Variants in LIN7A observed in about 807,000 individuals in gnomAD.
LIN7A encodes the protein lin-7 cell polarity scaffold A, also known as protein lin-7 homolog A.
A neutral mutation model predicts 29.8 loss-of-function variants in LIN7A; 25 were observed. That is an observed-to-expected ratio of 0.84 (90% confidence interval 0.61 to 1.17). The LOEUF (loss-of-function observed/expected upper bound fraction) is 1.17, where lower values mean the gene tolerates loss of function less well. Ranked by LOEUF, LIN7A falls within the 50% of genes most tolerant of loss-of-function variation. The probability of loss-of-function intolerance (pLI) is 0.00; values close to 1 mark genes in which losing one functional copy is unlikely to be tolerated. For missense variants in LIN7A, 239 were observed against 287.0 expected, an observed-to-expected ratio of 0.83 and a Z score of 1.21; for synonymous variants, 118 against 107.5, an observed-to-expected ratio of 1.10 and a Z score of -0.60.
chr12:80,806,822 A>G (rs1333958095), intron 5 of LIN7A, among the ~76,000 whole-genome samples: 1 of 152,174 alleles, frequency 6.6e-6, no homozygotes, highest in South Asian at 2.1e-4. Context: ...TCACCATAAA[A>G]TCCATGAATG....
intron 4 of LIN7A, among the ~76,000 whole-genome samples, chr12:80,835,658 T>C (rs1030095437): frequency 2.0e-5 from 3 of 152,194 alleles, no homozygotes; most frequent in African/African-American, 7.2e-5. Context: ...TGCCAGACAC[T>C]CTTACATACT....
intron 4 of LIN7A, among the ~76,000 whole-genome samples, chr12:80,838,237 G>A (rs1326131400): frequency 6.6e-6 from 1 of 152,152 alleles, no homozygotes; most frequent in African/African-American, 2.4e-5. Flanking sequence ...ACAATCTCTT[G>A]TATGCTCAAA....
intron 5 of LIN7A, among the ~76,000 whole-genome samples, chr12:80,801,574 TTG>T (rs1174388363): frequency 6.6e-6 from 1 of 152,230 alleles, no homozygotes; most frequent in Non-Finnish European, 1.5e-5. Flanking sequence ...ACAAATAAAT[TTG>T]TGATGTATAA....
intron 1 of LIN7A, among the ~76,000 whole-genome samples, chr12:80,931,199 A>C (rs1281474627): frequency 6.6e-6 from 1 of 152,238 alleles, no homozygotes; most frequent in African/African-American, 2.4e-5. Context: ...CAAGAGCATT[A>C]ATTTCATAAC....
chr12:80,854,046 T>C (rs7305737), intron 2 of LIN7A, among the ~76,000 whole-genome samples: 51,993 of 152,018 alleles, frequency 0.34, 10,514 homozygotes, highest in African/African-American at 0.57. Context: ...ATGGTACAGC[T>C]ATTTGAGAAA....
intron 1 of LIN7A, 124 bp downstream of exon 1, chr12:80,937,517 G>T (rs1423652615): frequency 1.7e-6 from 1 of 589,656 alleles, no homozygotes; most frequent in Non-Finnish European, 2.7e-6. Context: ...CGCCTTCCTG[G>T]CTCGTCCTCG....
intron 1 of LIN7A, among the ~76,000 whole-genome samples, chr12:80,890,493 A>G (rs767377704): frequency 6.6e-6 from 1 of 152,164 alleles, no homozygotes; most frequent in Non-Finnish European, 1.5e-5. Context: ...TCGCAATCTA[A>G]TGAGAAAGAA....
At chr12:80,882,284 A>ATTTTTTTTTTTTTTT (rs1463134808) in intron 2 of LIN7A, among the ~76,000 whole-genome samples, 1 of 71,988 alleles carries the variant, frequency 1.4e-5, no homozygotes, top group Non-Finnish European at 5.2e-5. Context: ...TTTTTCTTTC[A>ATTTTTTTTTTTTTTT]TTCTTTTTTT....
At chr12:80,900,584 A>G (rs978744561) in intron 1 of LIN7A, among the ~76,000 whole-genome samples, 3 of 152,068 alleles carry the variant, frequency 2.0e-5, no homozygotes, top group Non-Finnish European at 2.9e-5. Flanking sequence ...CAATTTTCTT[A>G]GTATTGATTT....
At chr12:80,838,965 A>C (rs574082828) in intron 4 of LIN7A, among the ~76,000 whole-genome samples, 1 of 152,372 alleles carries the variant, frequency 6.6e-6, no homozygotes, top group South Asian at 2.1e-4. Context: ...AAACACATTC[A>C]AACCAAACTC....
At chr12:80,803,980 G>C (rs1870846248) in intron 5 of LIN7A, among the ~76,000 whole-genome samples, 1 of 152,186 alleles carries the variant, frequency 6.6e-6, no homozygotes, top group Non-Finnish European at 1.5e-5. Context: ...TCCTGTGTTT[G>C]AATCGTGGCC....
chr12:80,885,584 C>T (rs1875282500), intron 2 of LIN7A, among the ~76,000 whole-genome samples: 1 of 152,030 alleles, frequency 6.6e-6, no homozygotes, highest in South Asian at 2.1e-4. Context: ...TATCTGTATT[C>T]TGTGAATGAA....
chr12:80,843,797 T>C (rs1872933414), intron 4 of LIN7A, among the ~76,000 whole-genome samples: 1 of 152,088 alleles, frequency 6.6e-6, no homozygotes, highest in Non-Finnish European at 1.5e-5. Flanking sequence ...GGTAGAACCT[T>C]ATGTGTTTGA....
intron 5 of LIN7A, among the ~76,000 whole-genome samples, chr12:80,799,920 A>G (rs951266716): frequency 1.3e-5 from 2 of 152,120 alleles, no homozygotes; most frequent in African/African-American, 4.8e-5. Context: ...ACTGAGATGG[A>G]AGAACTATGT....
At chr12:80,915,496 A>G (rs1438943067) in intron 1 of LIN7A, among the ~76,000 whole-genome samples, 2 of 152,238 alleles carry the variant, frequency 1.3e-5, no homozygotes, top group African/African-American at 4.8e-5. Context: ...TTGAGTTACC[A>G]TTCAACATGG....
At chr12:80,881,409 C>A (rs1158272224) in intron 2 of LIN7A, among the ~76,000 whole-genome samples, 5 of 152,122 alleles carry the variant, frequency 3.3e-5, no homozygotes, top group African/African-American at 1.2e-4. Context: ...ATGTCAGATG[C>A]ATTTTCATTA....
intron 1 of LIN7A, among the ~76,000 whole-genome samples, chr12:80,903,547 G>T (rs1432877445): frequency 1.3e-5 from 2 of 151,986 alleles, no homozygotes; most frequent in Non-Finnish European, 2.9e-5. Context: ...TTTTATGACT[G>T]AATAGTATTG....
At chr12:80,876,080 C>G (rs2400846) in intron 2 of LIN7A, among the ~76,000 whole-genome samples, 99,875 of 146,320 alleles carry the variant, frequency 0.68, 37,688 homozygotes, top group Non-Finnish European at 0.87. Context: ...CACACACACA[C>G]AGAGAGAGAG....
chr12:80,827,423 A>G (rs1205703390), intron 4 of LIN7A, among the ~76,000 whole-genome samples: 3 of 152,014 alleles, frequency 2.0e-5, no homozygotes, highest in Non-Finnish European at 4.4e-5. Context: ...TTTCCTTCAC[A>G]GAAGTCATTT....
Sources: gnomAD v4.1 joint callset for allele counts (sites outside exome capture counted in the v4.1 genomes callset) on GRCh38, gnomAD v4.1.1 for gene constraint, MANE v1.5 for transcripts, NCBI Gene and HGNC (gene_info 2026-07-23, HGNC 2026-07-21) for gene names.